The following CACNB2 variants were observed in gnomAD, a reference collection of about 807,000 sequenced individuals.
CACNB2 encodes the protein calcium voltage-gated channel auxiliary subunit beta 2.
CACNB2 carries 42 observed loss-of-function variants against 73.3 expected under a neutral mutation model. The observed-to-expected ratio is 0.57, with a 90% confidence interval of 0.45 to 0.74. CACNB2 has a LOEUF of 0.74. Among genes scored for constraint, CACNB2 ranks in the 30% least tolerant of loss-of-function variants. The pLI is 0.00. For synonymous variants in CACNB2, 348 were observed against 310.3 expected, an observed-to-expected ratio of 1.12 and a Z score of -1.28; for missense variants, 940 against 853.0, an observed-to-expected ratio of 1.10 and a Z score of -1.27.
At chr10:18,450,470 G>T (rs143066357) in intron 3 of CACNB2, among the ~76,000 whole-genome samples, 18 of 152,238 alleles carry the variant, frequency 1.2e-4, no homozygotes, top group Admixed American at 8.5e-4. Context: ...GCTCACACGT[G>T]GTTGCAGTTG....
At chr10:18,277,934 A>G (rs1203186409) in intron 2 of CACNB2, among the ~76,000 whole-genome samples, 1 of 152,200 alleles carries the variant, frequency 6.6e-6, no homozygotes, top group Non-Finnish European at 1.5e-5. Context: ...GTTTCCTATA[A>G]CCAGCTATAA....
chr10:18,400,025 T>TA (rs1209361484), intron 2 of CACNB2, among the ~76,000 whole-genome samples: 1 of 152,196 alleles, frequency 6.6e-6, no homozygotes, highest in African/African-American at 2.4e-5. Context: ...CACTGCTGTT[T>TA]ATGCCAGTGG....
intron 3 of CACNB2, among the ~76,000 whole-genome samples, chr10:18,443,000 GTATATATATATATGTATATA>G (rs1564554162): frequency 0.017 from 63 of 3,790 alleles, 4 homozygotes; most frequent in Non-Finnish European, 0.024. Context: ...ATATATATGT[GTATATATATATATGTATATA>G]TATATATATA....
chr10:18,309,244 G>T (rs2039865080), intron 2 of CACNB2, among the ~76,000 whole-genome samples: 1 of 151,874 alleles, frequency 6.6e-6, no homozygotes, highest in Non-Finnish European at 1.5e-5. Context: ...GAGAAAGAGG[G>T]GACAATTCAG....
intron 6 of CACNB2, among the ~76,000 whole-genome samples, chr10:18,509,645 C>A (rs2050664000): frequency 1.3e-5 from 2 of 152,070 alleles, no homozygotes; most frequent in South Asian, 4.1e-4. Context: ...AAAAAATTAG[C>A]TGGGTATGGT....
intron 2 of CACNB2, among the ~76,000 whole-genome samples, chr10:18,328,947 G>C (rs973008965): frequency 6.6e-6 from 1 of 152,180 alleles, no homozygotes; most frequent in Non-Finnish European, 1.5e-5. Context: ...TCAGAGAATA[G>C]TTTTGACTTT....
At chr10:18,312,546 T>C (rs1320702165) in intron 2 of CACNB2, among the ~76,000 whole-genome samples, 1 of 152,188 alleles carries the variant, frequency 6.6e-6, no homozygotes, top group Non-Finnish European at 1.5e-5. Flanking sequence ...TACACAGAGC[T>C]CTGTTAAGGT....
At chr10:18,231,260 T>A (rs1038452506) in intron 2 of CACNB2, among the ~76,000 whole-genome samples, 1 of 152,182 alleles carries the variant, frequency 6.6e-6, no homozygotes, top group African/African-American at 2.4e-5. Flanking sequence ...CACTGCAACC[T>A]CCACCTCCCA....
chr10:18,250,795 C>T (rs1485966330), intron 2 of CACNB2, among the ~76,000 whole-genome samples: 3 of 152,186 alleles, frequency 2.0e-5, no homozygotes, highest in Non-Finnish European at 4.4e-5. Flanking sequence ...TTATCCAATA[C>T]TGTGCAGGTT....
chr10:18,357,485 G>A (rs1475762702), intron 2 of CACNB2, among the ~76,000 whole-genome samples: 1 of 152,128 alleles, frequency 6.6e-6, no homozygotes, highest in Admixed American at 6.5e-5. Flanking sequence ...CTGCATGGAC[G>A]GATTAGCGGT....
chr10:18,299,333 T>G (rs573551072), intron 2 of CACNB2, among the ~76,000 whole-genome samples: 3 of 151,776 alleles, frequency 2.0e-5, no homozygotes, highest in Non-Finnish European at 2.9e-5. Flanking sequence ...TGGGAAGGAG[T>G]AGGAAGAAGT....
chr10:18,533,998 T>C, intron 10 of CACNB2, 78 bp from the exon 11 acceptor site: 2 of 1,403,522 alleles, frequency 1.4e-6, no homozygotes, highest in South Asian at 1.2e-5. Context: ...TACTCACCTT[T>C]CTGTTGAAGA....
intron 2 of CACNB2, among the ~76,000 whole-genome samples, chr10:18,151,749 G>T (rs1411586384): frequency 6.6e-6 from 1 of 152,146 alleles, no homozygotes; most frequent in African/African-American, 2.4e-5. Flanking sequence ...GAAAGTAGGG[G>T]CAGAGCATGC....
At chr10:18,441,884 A>T (rs913771447) in intron 3 of CACNB2, among the ~76,000 whole-genome samples, 1 of 152,238 alleles carries the variant, frequency 6.6e-6, no homozygotes, top group Admixed American at 6.5e-5. Context: ...GCCTCCCAAA[A>T]TGTTGGGATT....
chr10:18,489,339 G>C (rs2132922057), intron 3 of CACNB2, among the ~76,000 whole-genome samples: 1 of 128,098 alleles, frequency 7.8e-6, no homozygotes, highest in Non-Finnish European at 1.6e-5. Flanking sequence ...GCAGTGAGTT[G>C]AGACCTAACC....
intron 2 of CACNB2, among the ~76,000 whole-genome samples, chr10:18,273,321 C>T (rs529772807): frequency 3.0e-4 from 46 of 151,004 alleles, no homozygotes; most frequent in South Asian, 2.9e-3. Flanking sequence ...CAGTGGAGGA[C>T]GAAGAGGATT....
At chr10:18,159,686 A>G (rs921677322) in intron 2 of CACNB2, among the ~76,000 whole-genome samples, 6 of 152,208 alleles carry the variant, frequency 3.9e-5, no homozygotes, top group Admixed American at 2.0e-4. Context: ...TCACAGAGGC[A>G]CACAGTCTAT....
chr10:18,271,075 T>C lies in CACNB2; in HGVS notation c.213+120100T>C, dbSNP rs151034039. ...TGTGATATATGTGAAATTTACTGTA[T>C]ACTTGTGTGTATAAACACACATACA... is the stretch of plus-strand genomic sequence containing the variant. On this transcript the variant is annotated intron_variant, in intron 2 of 13. Coordinates refer to ENST00000324631, the MANE Select transcript of CACNB2 (RefSeq NM_201596.3). 2.1e-3 allele frequency among the ~76,000 whole-genome samples: 322 copies of C among 152,384 alleles called. 2 individuals are homozygous for C. Among genetic ancestry groups the C allele is most frequent in the African/African-American group, 7.4e-3 (306 of 41,596 alleles).
intron 2 of CACNB2, among the ~76,000 whole-genome samples, chr10:18,330,861 G>C (rs1269689241): frequency 6.6e-6 from 1 of 151,814 alleles, no homozygotes; most frequent in Non-Finnish European, 1.5e-5. Flanking sequence ...TGGTGATGGG[G>C]TTTCATCATG....
Sources: gnomAD v4.1 joint callset for allele counts (sites outside exome capture counted in the v4.1 genomes callset) on GRCh38, gnomAD v4.1.1 for gene constraint, MANE v1.5 for transcripts, NCBI Gene and HGNC (gene_info 2026-07-23, HGNC 2026-07-21) for gene names.